The following MAML3 variants were observed in gnomAD, a reference collection of about 807,000 sequenced individuals.
MAML3 encodes mastermind-like protein 3.
Under a neutral mutation model 101.9 loss-of-function variants are expected in MAML3, and 27 were observed. The ratio of observed to expected loss-of-function variants is 0.27; its 90% CI spans 0.20 to 0.37. The LOEUF is 0.37. MAML3 is among the 10% of genes least tolerant of loss of function. The probability of loss-of-function intolerance (pLI) is 1.00; values close to 1 mark genes in which losing one functional copy is unlikely to be tolerated. For synonymous variants in MAML3, 501 were observed against 555.9 expected, an observed-to-expected ratio of 0.90 and a Z score of 1.39; for missense variants, 1,316 against 1,444.9, an observed-to-expected ratio of 0.91 and a Z score of 1.45.
intron 2 of MAML3, among the ~76,000 whole-genome samples, chr4:139,860,841 C>T (rs1392285175): frequency 6.6e-6 from 1 of 152,112 alleles, no homozygotes; most frequent in Non-Finnish European, 1.5e-5. Flanking sequence ...TGAAACTCTT[C>T]ATTATAGATG....
At chr4:140,149,213 A>G (rs1729115640) in intron 1 of MAML3, among the ~76,000 whole-genome samples, 1 of 152,192 alleles carries the variant, frequency 6.6e-6, no homozygotes, top group African/African-American at 2.4e-5. Flanking sequence ...CAAGTCTTTG[A>G]GGGGAAGAAA....
intron 2 of MAML3, among the ~76,000 whole-genome samples, chr4:139,749,726 T>C (rs1361917509): frequency 1.3e-5 from 2 of 152,142 alleles, no homozygotes; most frequent in Non-Finnish European, 2.9e-5. Context: ...ATTGGTGAGG[T>C]TGCCACTCAA....
chr4:140,133,170 G>GAAAAAAAAAAA, intron 1 of MAML3: 1 of 385,462 alleles, frequency 2.6e-6, no homozygotes, highest in Admixed American at 3.4e-5. Flanking sequence ...CCAACAAAAA[G>GAAAAAAAAAAA]AAAAAAAAGA....
At chr4:139,998,334 G>A (rs1330999866) in intron 1 of MAML3, among the ~76,000 whole-genome samples, 1 of 146,442 alleles carries the variant, frequency 6.8e-6, no homozygotes, top group Non-Finnish European at 1.5e-5. Flanking sequence ...CCAGAATTTG[G>A]TCCTTTTTAA....
intron 1 of MAML3, among the ~76,000 whole-genome samples, chr4:139,975,800 G>A (rs1734328861): frequency 6.6e-6 from 1 of 152,172 alleles, no homozygotes; most frequent in Admixed American, 6.5e-5. Context: ...TGGACTAAAG[G>A]AAGGCAATGG....
At chr4:139,764,822 G>A (rs12640286) in intron 2 of MAML3, among the ~76,000 whole-genome samples, 28,408 of 152,196 alleles carry the variant, frequency 0.19, 3,245 homozygotes, top group East Asian at 0.46. Context: ...AGCAGCAGGG[G>A]CCACAGGAAG....
chr4:139,783,098 A>C (rs1456203656), intron 2 of MAML3, among the ~76,000 whole-genome samples: 1 of 152,170 alleles, frequency 6.6e-6, no homozygotes, highest in African/African-American at 2.4e-5. Context: ...AGGGGAAAAA[A>C]GGACATACAG....
At chr4:140,024,283 A>C (rs1289779637) in intron 1 of MAML3, among the ~76,000 whole-genome samples, 1 of 150,732 alleles carries the variant, frequency 6.6e-6, no homozygotes, top group Non-Finnish European at 1.5e-5. Flanking sequence ...GCTGGAGTGC[A>C]GTGGTGCTAT....
At chr4:140,030,575 C>T (rs1278226767) in intron 1 of MAML3, among the ~76,000 whole-genome samples, 1 of 152,140 alleles carries the variant, frequency 6.6e-6, no homozygotes, top group Non-Finnish European at 1.5e-5. Context: ...TCTTTTCTAC[C>T]TGGTTTTGCT....
chr4:140,010,810 A>C (rs1182737558), intron 1 of MAML3, among the ~76,000 whole-genome samples: 2 of 152,158 alleles, frequency 1.3e-5, no homozygotes, highest in African/African-American at 4.8e-5. Context: ...CCCATTAAAC[A>C]ATATACATGA....
At chr4:140,082,323 C>CGT (rs997891076) in intron 1 of MAML3, among the ~76,000 whole-genome samples, 6 of 152,176 alleles carry the variant, frequency 3.9e-5, no homozygotes, top group African/African-American at 1.4e-4. Flanking sequence ...AAATTCTTCT[C>CGT]GTTTTCCTTT....
intron 2 of MAML3, among the ~76,000 whole-genome samples, chr4:139,805,112 A>C (rs567533607): frequency 6.6e-6 from 1 of 152,274 alleles, no homozygotes; most frequent in South Asian, 2.1e-4. Flanking sequence ...TGTAACCGGG[A>C]GGCGGAGGTT....
chr4:140,052,535 C>CT (rs397878543), intron 1 of MAML3, among the ~76,000 whole-genome samples: 1,379 of 136,186 alleles, frequency 0.01, 11 homozygotes, highest in African/African-American at 0.022. Context: ...CCATATATTT[C>CT]TTTTTTTTTT....
intron 1 of MAML3, among the ~76,000 whole-genome samples, chr4:140,087,724 G>T (rs1727976016): frequency 6.6e-6 from 1 of 152,030 alleles, no homozygotes; most frequent in Admixed American, 6.6e-5. Context: ...ACTTTTCAGG[G>T]TGATAATTTA....
At chr4:140,123,233 T>C (rs1728637640) in intron 1 of MAML3, among the ~76,000 whole-genome samples, 1 of 152,166 alleles carries the variant, frequency 6.6e-6, no homozygotes, top group Non-Finnish European at 1.5e-5. Flanking sequence ...CAAACAAGGT[T>C]TGTTAAGACA....
At chr4:139,856,428 G>T (rs1183647712) in intron 2 of MAML3, among the ~76,000 whole-genome samples, 1 of 152,170 alleles carries the variant, frequency 6.6e-6, no homozygotes. Context: ...CACAAGCAGC[G>T]ACTGACTTTA....
chr4:139,939,671 C>A (rs897490382), intron 1 of MAML3, among the ~76,000 whole-genome samples: 5 of 152,054 alleles, frequency 3.3e-5, no homozygotes, highest in Non-Finnish European at 7.4e-5. Flanking sequence ...TTCCATTCAA[C>A]TATACATTCC....
chr4:140,127,551 C>G (rs1728703885), intron 1 of MAML3, among the ~76,000 whole-genome samples: 1 of 152,182 alleles, frequency 6.6e-6, no homozygotes, highest in African/African-American at 2.4e-5. Flanking sequence ...TAACAAGCAC[C>G]ACAAACCTAG....
intron 1 of MAML3, among the ~76,000 whole-genome samples, chr4:139,959,576 G>C (rs1047588018): frequency 1.3e-4 from 20 of 152,326 alleles, no homozygotes; most frequent in Non-Finnish European, 2.8e-4. Flanking sequence ...TAATGAGCAT[G>C]TGAGCCTTTT....
Sources: gnomAD v4.1 joint callset for allele counts (sites outside exome capture counted in the v4.1 genomes callset) on GRCh38, gnomAD v4.1.1 for gene constraint, MANE v1.5 for transcripts, NCBI Gene and HGNC (gene_info 2026-07-23, HGNC 2026-07-21) for gene names.